Variants in SLC19A1 observed in about 807,000 individuals in gnomAD.
The protein encoded by SLC19A1 is reduced folate transporter.
In SLC19A1, 37 loss-of-function variants were observed where a neutral mutation model predicts 35.3. That is an observed-to-expected ratio of 1.05 (90% CI 0.81 to 1.38). The LOEUF (loss-of-function observed/expected upper bound fraction) is 1.38, where lower values mean the gene tolerates loss of function less well. Among genes scored for constraint, SLC19A1 ranks in the 40% most tolerant of loss-of-function variants. SLC19A1 has a pLI of 0.00. For synonymous variants in SLC19A1, 460 were observed against 398.5 expected (o/e 1.15, Z -1.84); for missense variants, 831 against 826.9 (o/e 1.00, Z -0.06).
intron 3 of SLC19A1, chr21:45,504,708 A>G: frequency 1.4e-6 from 1 of 703,878 alleles, no homozygotes; most frequent in Non-Finnish European, 2.4e-6. Context: ...CCGTGTGGGG[A>G]CGCAGCAGGC....
intron 3 of SLC19A1, chr21:45,506,987 CA>C: frequency 7.2e-6 from 2 of 279,672 alleles, no homozygotes; most frequent in South Asian, 3.4e-5. Flanking sequence ...CACCCGGATG[CA>C]GCCCCATCCT....
At chr21:45,526,241 CA>C (rs2077615677) in intron 4 of SLC19A1, among the ~76,000 whole-genome samples, 1 of 152,182 alleles carries the variant, frequency 6.6e-6, no homozygotes, top group Non-Finnish European at 1.5e-5. Context: ...TGCCTGGGGC[CA>C]GTAGTTTTGG....
At chr21:45,509,028 C>T (rs993538772), downstream of SLC19A1, among the ~76,000 whole-genome samples, 2 of 152,098 alleles carry the variant, frequency 1.3e-5, no homozygotes, top group East Asian at 1.9e-4. Flanking sequence ...TCGAAGGTCG[C>T]CGTGTTGAGG....
intron 1 of SLC19A1, among the ~76,000 whole-genome samples, chr21:45,562,499 T>C (rs1459445231): frequency 2.0e-5 from 3 of 152,194 alleles, no homozygotes; most frequent in Non-Finnish European, 4.4e-5. Flanking sequence ...GCAAAATGTT[T>C]TCAGAGCCTG....
intron 1 of SLC19A1, chr21:45,541,846 T>A (rs371169773): frequency 6.1e-4 from 93 of 152,204 alleles, no homozygotes; most frequent in African/African-American, 2.1e-3. Context: ...CACGCTTTCC[T>A]CCAGACCCGG....
At chr21:45,557,733 G>A (rs1025239401) in intron 1 of SLC19A1, among the ~76,000 whole-genome samples, 27 of 152,158 alleles carry the variant, frequency 1.8e-4, no homozygotes, top group Non-Finnish European at 5.9e-5. Context: ...CGTGTCCTGC[G>A]CTCTGGTGAC....
intron 5 of SLC19A1, among the ~76,000 whole-genome samples, chr21:45,525,573 G>A (rs1388605276): frequency 1.3e-5 from 2 of 152,208 alleles, no homozygotes; most frequent in Non-Finnish European, 2.9e-5. Context: ...GCGAGCAGAG[G>A]CTCAGCTGCT....
chr21:45,511,248 A>G (rs1374480189), downstream of SLC19A1: 2 of 1,322,610 alleles, frequency 1.5e-6, no homozygotes, highest in East Asian at 2.5e-5. Context: ...GTGCCGTGTG[A>G]GCAGCTCTGA....
upstream of SLC19A1, among the ~76,000 whole-genome samples, chr21:45,548,779 T>TTTGAACACTTAAA (rs2078437761): frequency 6.6e-6 from 1 of 152,026 alleles, no homozygotes; most frequent in Non-Finnish European, 1.5e-5. Context: ...ATGCAAAAGA[T>TTTGAACACTTAAA]TTGAACACTT....
At chr21:45,560,069 C>T (rs564737172) in intron 1 of SLC19A1, among the ~76,000 whole-genome samples, 2 of 151,588 alleles carry the variant, frequency 1.3e-5, no homozygotes, top group African/African-American at 4.9e-5. Context: ...ATGTAGGAAA[C>T]TGGCTCGTGC....
intron 1 of SLC19A1, among the ~76,000 whole-genome samples, chr21:45,555,152 G>T: frequency 9.8e-6 from 1 of 101,776 alleles, no homozygotes; most frequent in Middle Eastern, 4.6e-3. Flanking sequence ...GGGCGGTGCA[G>T]GGGGCGGCGG....
Position 45,540,684 on chromosome 21 carries a change from C to T in SLC19A1, c.-50+1684G>A, listed in dbSNP as rs79701880. Among the ~76,000 whole-genome samples the T allele has an allele frequency of 0.065, 9,948 of 152,230 alleles. 381 individuals are homozygous for T. Among genetic ancestry groups the T allele is most frequent in the Middle Eastern group, 0.11 (32 of 294 alleles). On this transcript the variant is annotated intron_variant, in intron 1 of 5. Transcript: ENST00000311124. The surrounding 1 kb of genome is among the most constrained non-coding windows in gnomAD (Gnocchi z 5.5). ...AACGCAGCCCCAAGCCAGGGGACGC[C>T]TAGACTCCAAGTGTCCAGACCCCAG... is the stretch of plus-strand genomic sequence containing the variant.
At chr21:45,506,549 T>C (rs566501607) in intron 3 of SLC19A1, 1 of 195,382 alleles carries the variant, frequency 5.1e-6, no homozygotes, top group Non-Finnish European at 1.1e-5. Flanking sequence ...GCCGCTCTGA[T>C]CCAGGTGGGT....
chr21:45,504,309 G>A, intron 3 of SLC19A1: 2 of 1,165,702 alleles, frequency 1.7e-6, no homozygotes, highest in Non-Finnish European at 2.4e-6. Flanking sequence ...TCCCAGGCCT[G>A]GGCTCCGGAA....
chr21:45,516,690 C>A (rs992665368), intron 5 of SLC19A1, among the ~76,000 whole-genome samples: 1 of 152,202 alleles, frequency 6.6e-6, no homozygotes, highest in Non-Finnish European at 1.5e-5. Context: ...TCTCCTGATT[C>A]TCGCAGCTGC....
chr21:45,525,698 C>T, intron 5 of SLC19A1, 119 bp downstream of exon 5: 1 of 1,176,126 alleles, frequency 8.5e-7, no homozygotes, highest in Non-Finnish European at 1.2e-6. Flanking sequence ...AAGCCCCAGG[C>T]CCGCACCCTG....
downstream of SLC19A1, chr21:45,509,385 C>T (rs529776494): frequency 1.7e-5 from 26 of 1,542,176 alleles, no homozygotes; most frequent in Admixed American, 5.8e-5. Flanking sequence ...TGCAGCCCCC[C>T]GTGGTGCAGC....
At chr21:45,506,402 T>TG (rs1468837493) in intron 3 of SLC19A1, 3 of 327,102 alleles carry the variant, frequency 9.2e-6, no homozygotes, top group African/African-American at 6.4e-5. Flanking sequence ...AACACCAAGG[T>TG]GGGATGAAAT....
chr21:45,512,194 G>A (rs775273092), downstream of SLC19A1: 1 of 1,612,212 alleles, frequency 6.2e-7, no homozygotes, highest in South Asian at 1.1e-5. Flanking sequence ...ACAGGCCCCA[G>A]AAGAGCGTGT....
Sources: allele counts gnomAD v4.1 joint callset (sites outside exome capture counted in the v4.1 genomes callset), GRCh38; gene constraint gnomAD v4.1.1; non-coding constraint Gnocchi (gnomAD v3.1); transcripts MANE v1.5; gene names NCBI Gene and HGNC (gene_info 2026-07-23, HGNC 2026-07-21).